DPY19L3: variants seen among roughly 807,000 people sequenced by gnomAD.
DPY19L3 encodes dpy-19 like C-mannosyltransferase 3.
A neutral mutation model predicts 92.3 loss-of-function variants in DPY19L3; 51 were observed. The observed-to-expected ratio is 0.55, with a 90% CI of 0.44 to 0.70. The LOEUF is 0.70. Ranked by LOEUF, DPY19L3 falls within the 30% of genes least tolerant of loss-of-function variation. The pLI, the probability that DPY19L3 is intolerant of heterozygous loss-of-function variation, is 0.00. For synonymous variants in DPY19L3, 309 were observed against 315.2 expected, an observed-to-expected ratio of 0.98 and a Z score of 0.21; for missense variants, 706 against 855.9, an observed-to-expected ratio of 0.82 and a Z score of 2.18.
intron 3 of DPY19L3, among the ~76,000 whole-genome samples, chr19:32,420,465 G>A (rs894034275): frequency 1.3e-5 from 2 of 151,784 alleles, no homozygotes; most frequent in African/African-American, 4.8e-5. Flanking sequence ...TGTTGTTGTT[G>A]AGATGGAGTC....
Position 32,484,977 on chromosome 19 carries a change from A to C in DPY19L3, c.*2737A>C, listed in dbSNP as rs776219648. 2 of 152,220 alleles carry C rather than the reference A, an allele frequency of 1.3e-5. No individual in the cohort carries two copies. Among genetic ancestry groups the C allele is most frequent in the Non-Finnish European group, 2.9e-5 (2 of 68,038 alleles). The allele number at this position is 152,220 out of a possible 1,614,324, so 9.4% of individuals were successfully genotyped here. On this transcript the variant is annotated 3_prime_UTR_variant, in exon 19 of 19. Transcript: ENST00000392250. Reference sequence around the variant, plus strand: ...TGAGCTTAGATTGCTTCATAGATTTATTTAAGTACTCATCCCACCTTTAAA... The same window carrying C: ...TGAGCTTAGATTGCTTCATAGATTTCTTTAAGTACTCATCCCACCTTTAAA...
intron 12 of DPY19L3, among the ~76,000 whole-genome samples, chr19:32,458,720 T>C (rs1307079522): frequency 6.6e-6 from 1 of 152,186 alleles, no homozygotes; most frequent in Non-Finnish European, 1.5e-5. Flanking sequence ...GCTTAAGTCT[T>C]GGCCTGCACA....
intron 16 of DPY19L3, among the ~76,000 whole-genome samples, chr19:32,474,710 CCTCCTGAGT>C (rs1970454578): frequency 6.6e-6 from 1 of 152,182 alleles, no homozygotes; most frequent in Admixed American, 6.5e-5. Context: ...CCCTCCTCAG[CCTCCTGAGT>C]AGCTGGCATT....
intron 16 of DPY19L3, among the ~76,000 whole-genome samples, chr19:32,473,597 T>G (rs1056191016): frequency 7.9e-5 from 12 of 152,226 alleles, no homozygotes; most frequent in Non-Finnish European, 1.2e-4. Context: ...AATGTGTGAT[T>G]GTTTGTTTCT....
chr19:32,416,308 A>C (rs561829831), intron 3 of DPY19L3, among the ~76,000 whole-genome samples: 1 of 152,198 alleles, frequency 6.6e-6, no homozygotes, highest in African/African-American at 2.4e-5. Context: ...GGGTGGATGG[A>C]TGGACATGCC....
intron 3 of DPY19L3, among the ~76,000 whole-genome samples, chr19:32,417,725 CCT>C (rs901394385): frequency 6.6e-6 from 1 of 152,196 alleles, no homozygotes; most frequent in African/African-American, 2.4e-5. Context: ...GATTGTGAGA[CCT>C]CTCCACCCTT....
chr19:32,436,250 G>A (rs1969134456), intron 4 of DPY19L3, among the ~76,000 whole-genome samples, 196 bp from the exon 5 acceptor site: 1 of 152,284 alleles, frequency 6.6e-6, no homozygotes, highest in East Asian at 1.9e-4. Flanking sequence ...ACCTATGTTT[G>A]TGTAAATGTT....
chr19:32,447,773 A>AT (rs1555721939), intron 8 of DPY19L3, among the ~76,000 whole-genome samples: 14 of 123,330 alleles, frequency 1.1e-4, no homozygotes, highest in Admixed American at 1.6e-4. Flanking sequence ...AGATAGATAG[A>AT]TAGATTAGAT....
intron 8 of DPY19L3, among the ~76,000 whole-genome samples, chr19:32,447,770 TA>T (rs1568343867): frequency 1.1e-3 from 165 of 143,552 alleles, no homozygotes; most frequent in African/African-American, 3.8e-3. Flanking sequence ...GATAGATAGA[TA>T]GATAGATTAG....
intron 3 of DPY19L3, among the ~76,000 whole-genome samples, chr19:32,424,744 A>G (rs1317703526): frequency 1.3e-5 from 2 of 152,216 alleles, no homozygotes; most frequent in East Asian, 1.9e-4. Flanking sequence ...CCTAAAATGT[A>G]TATGGAAACT....
At chr19:32,462,446 C>A (rs1458721528) in intron 12 of DPY19L3, among the ~76,000 whole-genome samples, 1 of 152,114 alleles carries the variant, frequency 6.6e-6, no homozygotes, top group Non-Finnish European at 1.5e-5. Flanking sequence ...CAATAACAAA[C>A]CACTGAAAGT....
chr19:32,464,653 C>G, intron 14 of DPY19L3, 75 bp from the exon 15 acceptor site: 1 of 927,052 alleles, frequency 1.1e-6, no homozygotes, highest in Non-Finnish European at 1.6e-6. Flanking sequence ...CCTAGGCAAA[C>G]ATAGCAAGAC....
chr19:32,427,476 T>C (rs1968805951), intron 3 of DPY19L3, among the ~76,000 whole-genome samples: 1 of 152,210 alleles, frequency 6.6e-6, no homozygotes, highest in Admixed American at 6.5e-5. Context: ...CCACTGTTAT[T>C]CTTATTTACT....
At chr19:32,444,110 A>G (rs935235836) in intron 8 of DPY19L3, among the ~76,000 whole-genome samples, 11 of 152,032 alleles carry the variant, frequency 7.2e-5, no homozygotes, top group African/African-American at 2.2e-4. Context: ...GAGACAATCA[A>G]TAGATGCTAA....
chr19:32,411,214 T>C, intron 2 of DPY19L3, 25 bp from the exon 3 acceptor site: 1 of 1,597,452 alleles, frequency 6.3e-7, no homozygotes, highest in Admixed American at 1.8e-5. Context: ...GACTTAGTTA[T>C]TTATCTGTTC....
intron 2 of DPY19L3, 30 bp downstream of exon 2, chr19:32,408,386 G>T (rs762600810): frequency 1.3e-6 from 2 of 1,549,000 alleles, no homozygotes; most frequent in Non-Finnish European, 1.8e-6. Context: ...GCAGCAATTT[G>T]GGTTGCTTTT....
intron 8 of DPY19L3, among the ~76,000 whole-genome samples, chr19:32,445,708 A>G (rs1230855233): frequency 1.3e-5 from 2 of 152,152 alleles, no homozygotes; most frequent in East Asian, 3.9e-4. Context: ...GAGTTTCTAA[A>G]TTACGTTTGA....
At chr19:32,407,700 G>A (rs1164472155) in intron 1 of DPY19L3, among the ~76,000 whole-genome samples, 1 of 152,224 alleles carries the variant, frequency 6.6e-6, no homozygotes, top group East Asian at 1.9e-4. Context: ...AGGGCCTGCT[G>A]TAGAGCACAT....
chr19:32,482,155 G>A lies in DPY19L3; in HGVS notation c.2066G>A (p.Arg689Lys), dbSNP rs1243345385. The A allele has an allele frequency of 1.2e-6, 2 of 1,613,738 alleles. No individual in the cohort carries two copies. Among genetic ancestry groups the A allele is most frequent in the East Asian group, 4.5e-5 (2 of 44,864 alleles). ...CCTCGCTTCTGTGAAGAGATCAAAA[G>A]AAACCTGCCTCCCTACGTGGCCTAC... Reference protein sequence around the residue: ...DHPRFCEEIKRNLPPYVAYFT... With the variant: ...DHPRFCEEIKKNLPPYVAYFT... The change falls in exon 19 of 19, where the codon AGA (arginine) becomes AAA (lysine). Residue 689 changes from arginine to lysine, a missense_variant. By Grantham distance (26) the Arg-to-Lys change is conservative. Coordinates refer to ENST00000392250, the MANE Select transcript of DPY19L3 (RefSeq NM_001172774.2).
Sources: allele counts gnomAD v4.1 joint callset (sites outside exome capture counted in the v4.1 genomes callset), GRCh38; gene constraint gnomAD v4.1.1; transcripts MANE v1.5; gene names NCBI Gene and HGNC (gene_info 2026-07-23, HGNC 2026-07-21).